Variants in EXOC6B observed in about 807,000 individuals in gnomAD.
EXOC6B encodes exocyst complex component 6B, also known as SEC15 homolog B.
Under a neutral mutation model 113.5 loss-of-function variants are expected in EXOC6B, and 54 were observed. That is an observed-to-expected ratio of 0.48 (90% CI 0.38 to 0.60). EXOC6B has a LOEUF of 0.60. EXOC6B is among the 20% of genes least tolerant of loss of function. The pLI is 0.00. For missense variants in EXOC6B, 797 were observed against 977.5 expected (o/e 0.82, Z 2.46); for synonymous variants, 357 against 339.0 (o/e 1.05, Z -0.58).
chr2:72,482,000 T>A (rs1699125710), intron 16 of EXOC6B, among the ~76,000 whole-genome samples: 1 of 152,214 alleles, frequency 6.6e-6, no homozygotes, highest in Non-Finnish European at 1.5e-5. Flanking sequence ...CATTTTATTA[T>A]AACAGAAATG....
At chr2:72,689,836 G>T (rs149372442) in intron 6 of EXOC6B, among the ~76,000 whole-genome samples, 108 of 152,202 alleles carry the variant, frequency 7.1e-4, no homozygotes, top group African/African-American at 2.5e-3. Flanking sequence ...AAGTTTTCTG[G>T]GACAATTAAA....
intron 8 of EXOC6B, among the ~76,000 whole-genome samples, chr2:72,526,989 A>G (rs866457195): frequency 3.9e-5 from 6 of 152,088 alleles, no homozygotes; most frequent in South Asian, 2.1e-4. Flanking sequence ...ACTGATATTG[A>G]TAAAATCAAG....
At chr2:72,804,745 A>G (rs1685486223) in intron 1 of EXOC6B, among the ~76,000 whole-genome samples, 1 of 151,858 alleles carries the variant, frequency 6.6e-6, no homozygotes, top group Non-Finnish European at 1.5e-5. Flanking sequence ...ACAGGCACGC[A>G]CCACCACGCC....
intron 8 of EXOC6B, among the ~76,000 whole-genome samples, chr2:72,516,178 G>C (rs1701203225): frequency 1.3e-5 from 2 of 152,134 alleles, no homozygotes; most frequent in South Asian, 2.1e-4. Flanking sequence ...AGCAGCTCTA[G>C]GAAATGAATA....
chr2:72,408,104 T>C (rs1357904167), intron 18 of EXOC6B, among the ~76,000 whole-genome samples: 1 of 152,064 alleles, frequency 6.6e-6, no homozygotes, highest in African/African-American at 2.4e-5. Context: ...ATGAGTGAAC[T>C]CCCATTCACA....
At chr2:72,389,812 TTTC>T (rs1338702391) in intron 18 of EXOC6B, among the ~76,000 whole-genome samples, 1 of 152,122 alleles carries the variant, frequency 6.6e-6, no homozygotes, top group Non-Finnish European at 1.5e-5. Context: ...CTTCTAAGAG[TTTC>T]TTTTTATCGT....
intron 6 of EXOC6B, among the ~76,000 whole-genome samples, chr2:72,583,993 C>T (rs1312163655): frequency 6.6e-6 from 1 of 152,010 alleles, no homozygotes; most frequent in Admixed American, 6.6e-5. Context: ...AAGTGCTGGG[C>T]TTGCAGGCAT....
At chr2:72,528,071 T>C (rs1344266830) in intron 8 of EXOC6B, among the ~76,000 whole-genome samples, 1 of 152,078 alleles carries the variant, frequency 6.6e-6, no homozygotes, top group Non-Finnish European at 1.5e-5. Flanking sequence ...CCAATTTTTT[T>C]CTTTTACACT....
chr2:72,414,550 C>T (rs1694398620), intron 18 of EXOC6B, among the ~76,000 whole-genome samples: 1 of 152,164 alleles, frequency 6.6e-6, no homozygotes, highest in South Asian at 2.1e-4. Flanking sequence ...GGGACAGAGG[C>T]CCTCTGTGCA....
At chr2:72,291,416 T>C (rs1027101117) in intron 20 of EXOC6B, among the ~76,000 whole-genome samples, 3 of 152,204 alleles carry the variant, frequency 2.0e-5, no homozygotes, top group African/African-American at 7.2e-5. Context: ...TTCAATAAAT[T>C]TGGCTTTCAT....
intron 20 of EXOC6B, among the ~76,000 whole-genome samples, chr2:72,268,360 C>T (rs941570765): frequency 3.9e-4 from 60 of 152,166 alleles, no homozygotes; most frequent in African/African-American, 1.4e-3. Context: ...GATCCACCCA[C>T]CTCTGCCTCC....
chr2:72,650,867 C>T (rs1277462503), intron 6 of EXOC6B, among the ~76,000 whole-genome samples: 1 of 150,322 alleles, frequency 6.7e-6, no homozygotes, highest in Admixed American at 6.6e-5. Flanking sequence ...CTGGAAAATG[C>T]TTTGGCAGTT....
At chr2:72,668,769 G>A (rs751421996) in intron 6 of EXOC6B, among the ~76,000 whole-genome samples, 1 of 152,164 alleles carries the variant, frequency 6.6e-6, no homozygotes, top group Non-Finnish European at 1.5e-5. Flanking sequence ...ACTACTAGAG[G>A]GGAGAGAGAA....
intron 6 of EXOC6B, among the ~76,000 whole-genome samples, chr2:72,644,855 C>T (rs907680772): frequency 5.3e-5 from 8 of 152,176 alleles, no homozygotes; most frequent in East Asian, 1.9e-4. Flanking sequence ...TAAAGAACAT[C>T]GATGCTAGGA....
intron 7 of EXOC6B, among the ~76,000 whole-genome samples, chr2:72,571,337 A>G (rs1219918414): frequency 1.3e-5 from 2 of 152,082 alleles, no homozygotes; most frequent in Non-Finnish European, 2.9e-5. Context: ...ATCACTTGAA[A>G]GCTCAGGAGT....
At chr2:72,362,819 C>A (rs2104989807) in intron 19 of EXOC6B, among the ~76,000 whole-genome samples, 1 of 152,196 alleles carries the variant, frequency 6.6e-6, no homozygotes, top group African/African-American at 2.4e-5. Flanking sequence ...CAGCCTCCAA[C>A]CATGGTATTT....
chr2:72,357,391 T>C (rs1168292802), intron 19 of EXOC6B, among the ~76,000 whole-genome samples: 3 of 152,236 alleles, frequency 2.0e-5, no homozygotes, highest in Non-Finnish European at 2.9e-5. Flanking sequence ...GGTGGTCCCA[T>C]AAGATTATAA....
intron 20 of EXOC6B, among the ~76,000 whole-genome samples, chr2:72,282,459 A>G (rs957129765): frequency 1.3e-5 from 2 of 152,018 alleles, no homozygotes; most frequent in East Asian, 1.9e-4. Context: ...GTAGAGCAAT[A>G]AAATATAATT....
chr2:72,343,471 A>G (rs769933896), intron 19 of EXOC6B, among the ~76,000 whole-genome samples: 10 of 152,254 alleles, frequency 6.6e-5, no homozygotes, highest in Non-Finnish European at 1.0e-4. Flanking sequence ...TGATAATAAT[A>G]CTAGCTTTTA....
Sources: gnomAD v4.1 joint callset for allele counts (sites outside exome capture counted in the v4.1 genomes callset) on GRCh38, gnomAD v4.1.1 for gene constraint, MANE v1.5 for transcripts, NCBI Gene and HGNC (gene_info 2026-07-23, HGNC 2026-07-21) for gene names.